Variants in HECW2 observed in about 807,000 individuals in gnomAD.
HECW2 encodes HECT, C2 and WW domain containing E3 ubiquitin protein ligase 2.
In HECW2, 61 loss-of-function variants were observed where a neutral mutation model predicts 175.2. That is an observed-to-expected ratio of 0.35 (90% CI 0.28 to 0.43). HECW2 has a LOEUF of 0.43. Ranked by LOEUF, HECW2 falls within the 20% of genes least tolerant of loss-of-function variation. The pLI is 1.00. For missense variants in HECW2, 1,524 were observed against 2,000.5 expected (o/e 0.76, Z 4.54); for synonymous variants, 671 against 731.0 (o/e 0.92, Z 1.32).
At chr2:196,236,454 C>G (rs4416234) in intron 21 of HECW2, among the ~76,000 whole-genome samples, 1 of 151,750 alleles carries the variant, frequency 6.6e-6, no homozygotes, top group East Asian at 1.9e-4. Flanking sequence ...TAGTATAATA[C>G]ATTTGTTATA....
chr2:196,408,994 A>G (rs1264425584), intron 2 of HECW2, among the ~76,000 whole-genome samples: 1 of 152,220 alleles, frequency 6.6e-6, no homozygotes, highest in East Asian at 1.9e-4. Context: ...GCGGGAGTCT[A>G]TTGTTAACTT....
chr2:196,580,878 G>A (rs967372592), intron 1 of HECW2, among the ~76,000 whole-genome samples: 8 of 152,156 alleles, frequency 5.3e-5, no homozygotes, highest in South Asian at 4.1e-4. Context: ...CATAATAGCC[G>A]AAAAATGAGA....
chr2:196,333,208 T>C (rs1222094943), intron 4 of HECW2, among the ~76,000 whole-genome samples: 1 of 152,230 alleles, frequency 6.6e-6, no homozygotes, highest in East Asian at 1.9e-4. Context: ...AAATATAATA[T>C]TTGATTGATG....
intron 1 of HECW2, among the ~76,000 whole-genome samples, chr2:196,469,828 C>G (rs1447161463): frequency 6.6e-6 from 1 of 151,810 alleles, no homozygotes; most frequent in Admixed American, 6.6e-5. Flanking sequence ...GCTGTTACCT[C>G]TGGGGCGGGG....
At chr2:196,436,760 TTC>T (rs1491449361) in intron 1 of HECW2, among the ~76,000 whole-genome samples, 1 of 151,828 alleles carries the variant, frequency 6.6e-6, no homozygotes, top group Non-Finnish European at 1.5e-5. Flanking sequence ...TTTTTTTTTT[TTC>T]AATTTCTTTC....
chr2:196,587,427 C>T (rs1259558599), intron 1 of HECW2, among the ~76,000 whole-genome samples: 1 of 152,206 alleles, frequency 6.6e-6, no homozygotes, highest in Non-Finnish European at 1.5e-5. Context: ...AATTGTCACT[C>T]TCAGAGATTC....
At chr2:196,245,406 G>C (rs1260660798) in intron 19 of HECW2, among the ~76,000 whole-genome samples, 1 of 152,296 alleles carries the variant, frequency 6.6e-6, no homozygotes, top group East Asian at 1.9e-4. Context: ...CTATCTACCT[G>C]ATGCTATGAA....
At chr2:196,375,206 C>G (rs1170650848) in intron 2 of HECW2, among the ~76,000 whole-genome samples, 1 of 151,938 alleles carries the variant, frequency 6.6e-6, no homozygotes, top group East Asian at 1.9e-4. Flanking sequence ...TAGTTTCAAT[C>G]TGTTGAGCTG....
At chr2:196,246,851 C>G (rs999909742) in intron 19 of HECW2, among the ~76,000 whole-genome samples, 2 of 152,152 alleles carry the variant, frequency 1.3e-5, no homozygotes, top group Admixed American at 6.5e-5. Flanking sequence ...TCTGTTTATA[C>G]TCTAGGTAAA....
intron 3 of HECW2, among the ~76,000 whole-genome samples, chr2:196,335,467 G>T (rs1014255): frequency 6.6e-6 from 1 of 151,996 alleles, no homozygotes; most frequent in Non-Finnish European, 1.5e-5. Flanking sequence ...CCTAGGCTAC[G>T]GGAGGGAGTT....
intron 1 of HECW2, among the ~76,000 whole-genome samples, chr2:196,507,671 C>A (rs923959445): frequency 3.9e-5 from 6 of 152,324 alleles, no homozygotes; most frequent in East Asian, 1.9e-4. Flanking sequence ...CCCACTGCAA[C>A]CCTATCACTG....
At chr2:196,257,999 T>G (rs952670970) in intron 17 of HECW2, 93 bp from the exon 18 acceptor site, 2 of 860,214 alleles carry the variant, frequency 2.3e-6, no homozygotes, top group Non-Finnish European at 3.8e-6. Flanking sequence ...AGTCATGATG[T>G]TTTTTGGTAC....
intron 2 of HECW2, among the ~76,000 whole-genome samples, chr2:196,426,019 C>A (rs1559103284): frequency 1.3e-5 from 2 of 152,142 alleles, no homozygotes; most frequent in African/African-American, 4.8e-5. Context: ...GCAACCACCA[C>A]CCTGATCAGT....
intron 15 of HECW2, 129 bp downstream of exon 15, chr2:196,278,399 G>T: frequency 1.0e-6 from 1 of 958,436 alleles, no homozygotes; most frequent in Non-Finnish European, 1.5e-6. Context: ...AAGCTTTTCA[G>T]CCTCTAAATC....
chr2:196,513,722 A>G (rs1230112970), intron 1 of HECW2, among the ~76,000 whole-genome samples: 2 of 152,238 alleles, frequency 1.3e-5, no homozygotes, highest in Admixed American at 6.5e-5. Flanking sequence ...GTCCTGGTAT[A>G]TAAGTCACAT....
In HECW2 at chr2:196,327,447, A is replaced by G. The variant is rs185501716; in HGVS notation, c.571+2128T>C. On this transcript the variant is annotated intron_variant, in intron 5 of 28. Coordinates refer to ENST00000644978, the MANE Select transcript of HECW2 (RefSeq NM_001348768.2). ...ATAGGCCAAAGAAGGACTCAAAGTC[A>G]CAAAGGTTTGACGTGTTAAATATCC... 3.9e-3 allele frequency among the ~76,000 whole-genome samples: 601 copies of G among 152,364 alleles called. 7 individuals are homozygous for G. Among genetic ancestry groups the G allele is most frequent in the African/African-American group, 0.014 (576 of 41,590 alleles).
chr2:196,286,807 C>T (rs1249656395), intron 14 of HECW2, among the ~76,000 whole-genome samples: 3 of 152,112 alleles, frequency 2.0e-5, no homozygotes, highest in Non-Finnish European at 4.4e-5. Context: ...ACAAAAGTAA[C>T]AAATGTGGTG....
chr2:196,320,946 A>G (rs1389954880), intron 7 of HECW2, among the ~76,000 whole-genome samples: 1 of 152,260 alleles, frequency 6.6e-6, no homozygotes, highest in Non-Finnish European at 1.5e-5. Context: ...CCTGAAGAAC[A>G]GGAGCTGGGA....
intron 1 of HECW2, among the ~76,000 whole-genome samples, chr2:196,447,147 A>AT (rs1696210478): frequency 6.6e-6 from 1 of 152,096 alleles, no homozygotes. Flanking sequence ...AAATACTGGG[A>AT]TAAAAAAAAA....
Sources: allele counts gnomAD v4.1 joint callset (sites outside exome capture counted in the v4.1 genomes callset), GRCh38; gene constraint gnomAD v4.1.1; transcripts MANE v1.5; gene names NCBI Gene and HGNC (gene_info 2026-07-23, HGNC 2026-07-21).